SERPINB9: variants seen among roughly 807,000 people sequenced by gnomAD.
SERPINB9 encodes the protein serpin family B member 9, also known as serpin B9.
A neutral mutation model predicts 27.2 loss-of-function variants in SERPINB9; 20 were observed. The ratio of observed to expected loss-of-function variants is 0.74; its 90% CI spans 0.52 to 1.07. The LOEUF (loss-of-function observed/expected upper bound fraction) is 1.07, where lower values mean the gene tolerates loss of function less well. SERPINB9 is among the 50% of genes least tolerant of loss of function. The probability of loss-of-function intolerance (pLI) is 0.00; values close to 1 mark genes in which losing one functional copy is unlikely to be tolerated. For synonymous variants in SERPINB9, 189 were observed against 180.0 expected, an observed-to-expected ratio of 1.05 and a Z score of -0.40; for missense variants, 476 against 460.1, an observed-to-expected ratio of 1.03 and a Z score of -0.32.
chr6:2,903,013 A>G lies in SERPINB9; in HGVS notation c.-11+188T>C, dbSNP rs375176754. ...CGGTGGCTGTGGGCCGCCAAGGCGG[A>G]GACCGGCTGCCGCTCCCAGGCACCC... On this transcript the variant is annotated intron_variant, in intron 1 of 6. Coordinates refer to ENST00000380698, the MANE Select transcript of SERPINB9 (RefSeq NM_004155.6). This position sits in a 1 kb window ranked among gnomAD's most constrained non-coding sequence, Gnocchi z 5.2. 0.011 allele frequency among the ~76,000 whole-genome samples: 1,634 copies of G among 152,176 alleles called. 34 individuals carry two copies. Among genetic ancestry groups the G allele is most frequent in the African/African-American group, 0.038 (1,558 of 41,512 alleles).
At chr6:2,893,196 ATATATATT>A (rs1767876276) in intron 5 of SERPINB9, among the ~76,000 whole-genome samples, 1 of 143,364 alleles carries the variant, frequency 7.0e-6, no homozygotes, top group African/African-American at 2.6e-5. Flanking sequence ...ACATATATAT[ATATATATT>A]ATATATACGT....
At position 2,890,041 on chromosome 6, in the gene SERPINB9, A is replaced by ATTCCTTAC; in HGVS notation, c.*121_*122insGTAAGGAA. 5.9e-6 allele frequency: 5 copies of ATTCCTTAC among 844,074 alleles called. No homozygotes were observed. The highest frequency in any genetic ancestry group is 2.0e-5 in the South Asian group (1 of 51,034). The allele number at this position is 844,074 out of a possible 1,614,324, so 52.3% of individuals were successfully genotyped here. ...TCATGCTGGCAAATCATGAGGGCAG[A>ATTCCTTAC]CAGGTAAAGAATCTGCCCTCATCTT... is the stretch of plus-strand genomic sequence containing the variant. On this transcript the variant is annotated 3_prime_UTR_variant, in exon 7 of 7. Coordinates refer to ENST00000380698, the MANE Select transcript of SERPINB9 (RefSeq NM_004155.6). This position sits in a 1 kb window ranked among gnomAD's most constrained non-coding sequence, Gnocchi z 6.2.
At chr6:2,901,805 A>G (rs1179737352) in intron 1 of SERPINB9, among the ~76,000 whole-genome samples, 2 of 150,734 alleles carry the variant, frequency 1.3e-5, no homozygotes, top group East Asian at 3.9e-4. Flanking sequence ...TCTAATGCCC[A>G]GGCCCCCTCC....
intron 4 of SERPINB9, 115 bp from the exon 5 acceptor site, chr6:2,893,668 G>C: frequency 1.1e-6 from 1 of 869,588 alleles, no homozygotes; most frequent in East Asian, 2.6e-5. Flanking sequence ...TGCTGAGTTT[G>C]GGTTGTTATG....
rs938873536 is a variant in SERPINB9, at chr6:2,889,189, A to G, written c.*974T>C. 1 of 152,182 alleles carries G rather than the reference A, an allele frequency of 6.6e-6. No homozygotes were observed. The highest frequency in any genetic ancestry group is 1.5e-5 in the Non-Finnish European group (1 of 68,044). The allele number at this position is 152,182 out of a possible 1,614,324, so 9.4% of individuals were successfully genotyped here. A position where few individuals can be genotyped will look rare whatever the true frequency, so the allele number is the denominator to read the frequency against. On this transcript the variant is annotated 3_prime_UTR_variant, in exon 7 of 7. Coordinates refer to ENST00000380698, the MANE Select transcript of SERPINB9 (RefSeq NM_004155.6). ...GTTAGAGGTAGAGAAATACAATATC[A>G]TAAAGAAAGATGTGATCCCTACAAG...
chr6:2,898,827 A>G (rs1361386197), intron 2 of SERPINB9, among the ~76,000 whole-genome samples: 1 of 151,830 alleles, frequency 6.6e-6, no homozygotes. Flanking sequence ...AAAAAAAAAA[A>G]GAAATAGGAC....
In SERPINB9 at chr6:2,894,409, G is replaced by T. The variant is rs369897218; in HGVS notation, c.425-856C>A. On this transcript the variant is annotated intron_variant, in intron 4 of 6. Coordinates refer to ENST00000380698, the MANE Select transcript of SERPINB9 (RefSeq NM_004155.6). The surrounding 1 kb of genome is among the most constrained non-coding windows in gnomAD (Gnocchi z 4.7). ...ACTTTCTGAAATGTAGATGAATAAG[G>T]TTCAACCCCAAATGGAGGGTATTTT... Among the ~76,000 whole-genome samples the T allele has an allele frequency of 5.3e-5, 8 of 152,304 alleles. No homozygotes were observed. The East Asian group carries it at 1.2e-3, about 22-fold the overall frequency.
chr6:2,896,012 A>G, intron 3 of SERPINB9, 41 bp downstream of exon 3: 2 of 1,586,056 alleles, frequency 1.3e-6, no homozygotes, highest in Non-Finnish European at 1.7e-6. Flanking sequence ...ATCACCAGGT[A>G]TGTTGAATGC....
rs1396178616 is a variant in SERPINB9 at position 2,890,409 on chromosome 6, C to T, written c.885G>A (p.Gln295=). The change falls in exon 7 of 7, where the codon CAG becomes CAA. Residue 295 remains glutamine, a synonymous_variant. Transcript: ENST00000380698. This position sits in a 1 kb window ranked among gnomAD's most constrained non-coding sequence, Gnocchi z 6.2. The part of the protein sequence containing the change: ...RHLGIVDAFQ[Q]GKADLSAMSA... ...ACATTGCCGACAAGTCAGCCTTGCC[C>T]TGTTGGAAGGCATCAACAATTCCCA... 6.2e-7 allele frequency: 1 copy of T among 1,614,204 alleles called. No individual in the cohort carries two copies. Among genetic ancestry groups the T allele is most frequent in the Non-Finnish European group, 8.5e-7 (1 of 1,180,040 alleles).
Position 2,895,383 on chromosome 6 carries a change from A to G in SERPINB9, c.424+8T>C. On this transcript the variant is annotated splice_region_variant and intron_variant, in intron 4 of 6. Coordinates refer to ENST00000380698, the MANE Select transcript of SERPINB9 (RefSeq NM_004155.6). ...TGGGAGGAAGGTGCAATAACTTGTC[A>G]TTCTGACCTTCGGTCTTTTTTGAGA... 1 of 1,592,860 alleles carries G rather than the reference A, an allele frequency of 6.3e-7. No homozygotes were observed. Among genetic ancestry groups the G allele is most frequent in the Non-Finnish European group, 8.6e-7 (1 of 1,164,672 alleles).
Position 2,890,502 on chromosome 6 carries a change from C to T in SERPINB9, c.792G>A (p.Glu264=). 6.2e-7 allele frequency: 1 copy of T among 1,614,192 alleles called. No homozygotes were observed. The highest frequency in any genetic ancestry group is 8.5e-7 in the Non-Finnish European group (1 of 1,180,038). ...WTKPDCMKST[E]VEVLLPKFKL... ...TAAATTTTGGAAGGAGAACTTCAAC[C>T]TCAGTACTCTTCATACAGTCTGGCT... The change falls in exon 7 of 7, where the codon GAG becomes GAA. Residue 264 remains glutamate, a synonymous_variant. Coordinates refer to ENST00000380698, the MANE Select transcript of SERPINB9 (RefSeq NM_004155.6). This position sits in a 1 kb window ranked among gnomAD's most constrained non-coding sequence, Gnocchi z 6.2.
intron 1 of SERPINB9, among the ~76,000 whole-genome samples, chr6:2,901,191 C>T (rs945178145): frequency 6.6e-6 from 1 of 152,134 alleles, no homozygotes; most frequent in Non-Finnish European, 1.5e-5. Context: ...CCTGGACAGC[C>T]GGGGTGGAGC....
At chr6:2,896,243 G>T in intron 2 of SERPINB9, 53 bp from the exon 3 acceptor site, 1 of 1,560,794 alleles carries the variant, frequency 6.4e-7, no homozygotes, top group Non-Finnish European at 8.8e-7. Context: ...TGATGGCTGG[G>T]GAGAGGAGAG....
rs1483289549 is a variant in SERPINB9, at chr6:2,891,744, A to G, written c.723+89T>C. The G allele has an allele frequency of 2.8e-6, 4 of 1,447,608 alleles. No homozygotes were observed. The highest frequency in any genetic ancestry group is 2.3e-5 in the Admixed American group (1 of 43,152). 89.7% of individuals were successfully genotyped at this position (1,447,608 alleles called of 1,614,324 possible). On this transcript the variant is annotated intron_variant, in intron 6 of 6. Coordinates refer to ENST00000380698, the MANE Select transcript of SERPINB9 (RefSeq NM_004155.6). The surrounding 1 kb of genome is among the most constrained non-coding windows in gnomAD (Gnocchi z 4.0). The stretch of plus-strand genomic sequence containing the variant: ...ACAGTGTGCGTCTGCCGCATCGCCA[A>G]CTCAGAAGGTGAATATGAGAGGTGG...
At chr6:2,899,177 C>T (rs184844483) in intron 2 of SERPINB9, among the ~76,000 whole-genome samples, 52 of 151,962 alleles carry the variant, frequency 3.4e-4, no homozygotes, top group Admixed American at 7.2e-4. Context: ...TATCAGTGAG[C>T]CTAAAACATA....
rs1767792283 is a variant in SERPINB9, at chr6:2,891,269, A to G, written c.723+564T>C. Among the ~76,000 whole-genome samples the G allele has an allele frequency of 6.6e-6, 1 of 151,964 alleles. No homozygotes were observed. Among genetic ancestry groups the G allele is most frequent in the South Asian group, 2.1e-4 (1 of 4,818 alleles). ...CCACCCTCTGAGAACTGGACTTCAC[A>G]CCTCCCTGGATGCCCCCTCCCAGCC... On this transcript the variant is annotated intron_variant, in intron 6 of 6. Transcript: ENST00000380698. This position sits in a 1 kb window ranked among gnomAD's most constrained non-coding sequence, Gnocchi z 4.0.
intron 1 of SERPINB9, among the ~76,000 whole-genome samples, chr6:2,902,623 G>T (rs1040767650): frequency 6.6e-6 from 1 of 152,184 alleles, no homozygotes; most frequent in Non-Finnish European, 1.5e-5. Context: ...GAGTTGAAGT[G>T]ATTTTCCTGC....
rs1419909467 is a variant in SERPINB9, at chr6:2,888,977, C to G, written c.*1186G>C. 2 of 152,104 alleles carry G rather than the reference C, an allele frequency of 1.3e-5. No individual in the cohort carries two copies. The highest frequency in any genetic ancestry group is 1.5e-5 in the Non-Finnish European group (1 of 68,024). The allele number at this position is 152,104 out of a possible 1,614,324, so 9.4% of individuals were successfully genotyped here. A position where few individuals can be genotyped will look rare whatever the true frequency, so the allele number is the denominator to read the frequency against. On this transcript the variant is annotated 3_prime_UTR_variant, in exon 7 of 7. Transcript: ENST00000380698. Reference sequence around the variant, plus strand: ...GGCACCCAGATATGTAAGACAGAGTCCCAACCTTTGGTTGTTGGAGGACTA... The same window carrying G: ...GGCACCCAGATATGTAAGACAGAGTGCCAACCTTTGGTTGTTGGAGGACTA...
rs318479 is a variant in SERPINB9, at chr6:2,887,703, T to C, written c.*2460A>G. On this transcript the variant is annotated 3_prime_UTR_variant, in exon 7 of 7. Transcript: ENST00000380698. ...CTCTACTGAAAAATACAAAATTAGC[T>C]GGGTGTGATGGTGGGTGCTTGTAGT... The C allele has an allele frequency of 0.52, 78,426 of 151,432 alleles. 20,842 individuals carry two copies. Among genetic ancestry groups the C allele is most frequent in the East Asian group, 0.74 (3,793 of 5,148 alleles). 9.4% of individuals were successfully genotyped at this position (151,432 alleles called of 1,614,324 possible). A position where few individuals can be genotyped will look rare whatever the true frequency, so the allele number is the denominator to read the frequency against.
Sources: allele counts gnomAD v4.1 joint callset (sites outside exome capture counted in the v4.1 genomes callset), GRCh38; gene constraint gnomAD v4.1.1; non-coding constraint Gnocchi (gnomAD v3.1); transcripts MANE v1.5; gene names NCBI Gene and HGNC (gene_info 2026-07-23, HGNC 2026-07-21).